INTS6: variants seen among roughly 807,000 people sequenced by gnomAD.
INTS6 encodes the protein integrator complex subunit 6.
INTS6 carries 16 observed loss-of-function variants against 104.9 expected under a neutral mutation model. The observed-to-expected ratio is 0.15, with a 90% CI of 0.10 to 0.23. The LOEUF is 0.23. Ranked by LOEUF, INTS6 falls within the 10% of genes least tolerant of loss-of-function variation. The probability of loss-of-function intolerance (pLI) is 1.00; values close to 1 mark genes in which losing one functional copy is unlikely to be tolerated. For synonymous variants in INTS6, 324 were observed against 358.7 expected, an observed-to-expected ratio of 0.90 and a Z score of 1.09; for missense variants, 584 against 1,062.8, an observed-to-expected ratio of 0.55 and a Z score of 6.26.
At chr13:51,379,401 T>C in intron 11 of INTS6, 61 bp downstream of exon 11, 4 of 895,070 alleles carry the variant, frequency 4.5e-6, no homozygotes, top group Non-Finnish European at 6.9e-6. Context: ...TTAACCTGTT[T>C]AACCATCCTA....
intron 4 of INTS6, among the ~76,000 whole-genome samples, chr13:51,416,028 C>G (rs1956780866): frequency 6.6e-6 from 1 of 151,982 alleles, no homozygotes; most frequent in Non-Finnish European, 1.5e-5. Context: ...ATAGTGCTGG[C>G]AAAACATCAT....
chr13:51,435,845 G>A (rs1465609900), intron 3 of INTS6, among the ~76,000 whole-genome samples: 1 of 151,824 alleles, frequency 6.6e-6, no homozygotes, highest in Non-Finnish European at 1.5e-5. Flanking sequence ...AGGTGGAGGA[G>A]GTTCATTAAA....
chr13:51,347,043 GC>G, the INTS6 span: 1 of 1,586,168 alleles, frequency 6.3e-7, no homozygotes, highest in Non-Finnish European at 8.6e-7. Context: ...CCCAGTGAGG[GC>G]CCTGGTGGCT....
chr13:51,382,215 T>G, intron 9 of INTS6, 92 bp from the exon 10 acceptor site: 2 of 633,446 alleles, frequency 3.2e-6, no homozygotes, highest in Admixed American at 3.4e-5. Context: ...AAGTCTGCTT[T>G]GTTATTTTTG....
At chr13:51,402,303 T>C (rs1016334275) in intron 4 of INTS6, among the ~76,000 whole-genome samples, 1 of 152,208 alleles carries the variant, frequency 6.6e-6, no homozygotes, top group African/African-American at 2.4e-5. Context: ...TAAGATTGTA[T>C]GTTAGGAGAC....
downstream of INTS6, among the ~76,000 whole-genome samples, chr13:51,359,422 T>C (rs1208238827): frequency 6.6e-6 from 1 of 152,134 alleles, no homozygotes; most frequent in African/African-American, 2.4e-5. Context: ...GGGCATGACA[T>C]AGGCTATGGA....
chr13:51,413,423 A>G (rs1220259875), intron 4 of INTS6, among the ~76,000 whole-genome samples: 1 of 152,188 alleles, frequency 6.6e-6, no homozygotes, highest in Non-Finnish European at 1.5e-5. Flanking sequence ...AGAGAATAAT[A>G]AAATCAGTAA....
At chr13:51,432,513 T>C (rs569099455) in intron 3 of INTS6, among the ~76,000 whole-genome samples, 6 of 152,054 alleles carry the variant, frequency 3.9e-5, no homozygotes, top group Non-Finnish European at 7.4e-5. Context: ...TTTGAACATG[T>C]TGAAGGCAAA....
chr13:51,386,161 T>G (rs1397924783), intron 7 of INTS6, among the ~76,000 whole-genome samples: 1 of 152,152 alleles, frequency 6.6e-6, no homozygotes, highest in African/African-American at 2.4e-5. Flanking sequence ...CTTCTCCAAT[T>G]GAAGTCCTAC....
At chr13:51,390,789 T>C (rs1034640150) in intron 5 of INTS6, among the ~76,000 whole-genome samples, 2 of 152,220 alleles carry the variant, frequency 1.3e-5, no homozygotes, top group East Asian at 1.9e-4. Flanking sequence ...ATAATGATGA[T>C]TATAACCTTA....
At chr13:51,450,784 A>G (rs1039626162) in intron 3 of INTS6, 3 of 1,135,004 alleles carry the variant, frequency 2.6e-6, no homozygotes, top group African/African-American at 3.2e-5. Context: ...AATGTATGTC[A>G]ACTTTATAGC....
chr13:51,452,172 C>T lies in INTS6; in HGVS notation c.112-117G>A. The T allele has an allele frequency of 1.1e-6, 1 of 949,780 alleles. No homozygotes were observed. The allele number at this position is 949,780 out of a possible 1,614,324, so 58.8% of individuals were successfully genotyped here. ...CCCCACAGTACCGCACACGCAGCGG[C>T]CACCCCTCCACGCCGTCCCCCACAC... On this transcript the variant is annotated intron_variant, in intron 1 of 17. Transcript: ENST00000311234. The surrounding 1 kb of genome is among the most constrained non-coding windows in gnomAD (Gnocchi z 4.2).
At chr13:51,394,959 T>TGAGA (rs1237215667) in intron 5 of INTS6, among the ~76,000 whole-genome samples, 1 of 152,228 alleles carries the variant, frequency 6.6e-6, no homozygotes, top group Non-Finnish European at 1.5e-5. Flanking sequence ...ACAGAGATGA[T>TGAGA]TCTCAAGACT....
chr13:51,445,343 CAT>C (rs1952890089), intron 3 of INTS6: 1 of 151,944 alleles, frequency 6.6e-6, no homozygotes, highest in Non-Finnish European at 1.5e-5. Context: ...CAAAGAAAAA[CAT>C]ATACTTCGTG....
At position 51,364,334 on chromosome 13, in the gene INTS6, A is replaced by G. The variant is rs1056341148; in HGVS notation, c.*1418T>C. ...CTTTTCTTCATAAAGTTATAATTTC[A>G]TTTTGCTATACCCTTGAAATTTAAA... On this transcript the variant is annotated 3_prime_UTR_variant, in exon 18 of 18. Coordinates refer to ENST00000311234, the MANE Select transcript of INTS6 (RefSeq NM_012141.3). The G allele has an allele frequency of 1.6e-5, 17 of 1,052,532 alleles. No homozygotes were observed. In the East Asian group the frequency reaches 2.9e-4, roughly 18 times the overall value. 65.2% of individuals were successfully genotyped at this position (1,052,532 alleles called of 1,614,324 possible).
At chr13:51,340,285 C>T in the INTS6 span, among the ~76,000 whole-genome samples, 1 of 152,226 alleles carries the variant, frequency 6.6e-6, no homozygotes, top group Admixed American at 6.5e-5. Flanking sequence ...TTTTACTTTG[C>T]CTTTCTCTTC....
intron 4 of INTS6, chr13:51,423,093 A>C: frequency 7.8e-7 from 1 of 1,274,306 alleles, no homozygotes; most frequent in Non-Finnish European, 1.0e-6. Flanking sequence ...CCCAGTACCT[A>C]GAACATAAAT....
chr13:51,374,315 C>T lies in INTS6; in HGVS notation c.1997G>A (p.Gly666Asp), dbSNP rs770484065. Reference protein sequence around the residue: ...RRRCMSPLLRGRQQNPVVNNH... With the variant: ...RRRCMSPLLRDRQQNPVVNNH... Reference sequence around the variant, plus strand: ...GTTTACAACAGGATTCTGCTGTCTGCCTCTTAGTAGTGGAGACATACACCG... The same window carrying T: ...GTTTACAACAGGATTCTGCTGTCTGTCTCTTAGTAGTGGAGACATACACCG... Residue 666 changes from glycine to aspartate, a missense_variant, in exon 15 of 18, where the codon GGC (glycine) becomes GAC (aspartate). Transcript: ENST00000311234. 3.7e-6 allele frequency: 6 copies of T among 1,613,994 alleles called. No individual in the cohort carries two copies. The African/African-American group carries it at 6.7e-5, about 18-fold the overall frequency.
At chr13:51,439,345 A>G (rs1459952737) in intron 3 of INTS6, 4 of 152,234 alleles carry the variant, frequency 2.6e-5, no homozygotes, top group Non-Finnish European at 5.9e-5. Flanking sequence ...AATTTTTGAT[A>G]GGACTAATCA....
Sources: allele counts gnomAD v4.1 joint callset (sites outside exome capture counted in the v4.1 genomes callset), GRCh38; gene constraint gnomAD v4.1.1; non-coding constraint Gnocchi (gnomAD v3.1); transcripts MANE v1.5; gene names NCBI Gene and HGNC (gene_info 2026-07-23, HGNC 2026-07-21).